EXOC3L2: variants seen among roughly 807,000 people sequenced by gnomAD.
EXOC3L2 encodes the protein exocyst complex component 3-like protein 2.
In EXOC3L2, 17 loss-of-function variants were observed where a neutral mutation model predicts 44.4. That is an observed-to-expected ratio of 0.38 (90% CI 0.26 to 0.57). The LOEUF (loss-of-function observed/expected upper bound fraction) is 0.57, where lower values mean the gene tolerates loss of function less well. Among genes scored for constraint, EXOC3L2 ranks in the 20% least tolerant of loss-of-function variants. EXOC3L2 has a pLI of 0.65. For missense variants in EXOC3L2, 541 were observed against 588.4 expected, an observed-to-expected ratio of 0.92 and a Z score of 0.83; for synonymous variants, 256 against 253.7, an observed-to-expected ratio of 1.01 and a Z score of -0.09.
At chr19:45,223,566 C>T (rs946765054) in intron 8 of EXOC3L2, among the ~76,000 whole-genome samples, 1 of 149,758 alleles carries the variant, frequency 6.7e-6, no homozygotes. Context: ...TGGTCTCAAA[C>T]TCCTGACCTC....
intron 3 of EXOC3L2, among the ~76,000 whole-genome samples, chr19:45,232,905 C>G (rs1164085033): frequency 6.6e-6 from 1 of 152,026 alleles, no homozygotes; most frequent in African/African-American, 2.4e-5. Context: ...TGGTAAAACC[C>G]CGCCTCTACT....
At chr19:45,236,653 A>C (rs1196359117) in intron 2 of EXOC3L2, among the ~76,000 whole-genome samples, 2 of 151,548 alleles carry the variant, frequency 1.3e-5, no homozygotes, top group Non-Finnish European at 2.9e-5. Flanking sequence ...TTGGAGTTGG[A>C]ATTGAAACTG....
At chr19:45,231,689 C>G (rs2122981800) in intron 4 of EXOC3L2, 74 bp downstream of exon 4, 1 of 1,298,224 alleles carries the variant, frequency 7.7e-7, no homozygotes, top group East Asian at 2.4e-5. Context: ...GTGGAGGGGA[C>G]AGGCTTCCCA....
Position 45,244,087 on chromosome 19 carries a change from C to A in EXOC3L2, c.-17+1254G>T, listed in dbSNP as rs188102538. Among the ~76,000 whole-genome samples the A allele has an allele frequency of 3.9e-5, 6 of 152,136 alleles. 1 individual carries two copies. Among genetic ancestry groups the A allele is most frequent in the Admixed American group, 2.6e-4 (4 of 15,244 alleles). On this transcript the variant is annotated intron_variant, in intron 1 of 11. Coordinates refer to ENST00000413988, the MANE Select transcript of EXOC3L2 (RefSeq NM_001382422.1). ...TACAAGTGCAAGTCACCACACCTGG[C>A]TAATTTTTGTATTTTTAGTAGAGAT...
chr19:45,227,868 T>C (rs1279861798), intron 6 of EXOC3L2, 96 bp from the exon 7 acceptor site: 4 of 1,512,366 alleles, frequency 2.6e-6, no homozygotes, highest in Non-Finnish European at 3.6e-6. Flanking sequence ...GGTGGCACTC[T>C]ACCTGTCCTC....
chr19:45,236,431 A>G (rs976557610), intron 2 of EXOC3L2, among the ~76,000 whole-genome samples: 6 of 134,270 alleles, frequency 4.5e-5, no homozygotes, highest in African/African-American at 1.7e-4. Flanking sequence ...TTGCCATTGC[A>G]CTCCAGCCTG....
chr19:45,229,403 G>A (rs140013593), intron 4 of EXOC3L2, among the ~76,000 whole-genome samples: 11,527 of 142,728 alleles, frequency 0.081, 586 homozygotes, highest in African/African-American at 0.14. Context: ...TATATAATGT[G>A]TATATTAATA....
In EXOC3L2 at chr19:45,234,857, C is replaced by A; in HGVS notation, c.524-31G>T. On this transcript the variant is annotated intron_variant, in intron 2 of 11. Coordinates refer to ENST00000413988, the MANE Select transcript of EXOC3L2 (RefSeq NM_001382422.1). This position sits in a 1 kb window ranked among gnomAD's most constrained non-coding sequence, Gnocchi z 5.0. ...GGAGCAAAGCGGGAGGTCAGCAGTG[C>A]GCGGGGGGGAGGAGGGCGATGCCGG... is the stretch of plus-strand genomic sequence containing the variant. The A allele has an allele frequency of 5.2e-6, 2 of 385,244 alleles. No homozygotes were observed. The highest frequency in any genetic ancestry group is 9.2e-6 in the Non-Finnish European group (2 of 217,510). The allele number at this position is 385,244 out of a possible 1,614,324, so 23.9% of individuals were successfully genotyped here.
chr19:45,227,709 G>A lies in EXOC3L2; in HGVS notation c.1536C>T (p.Thr512=). The part of the protein sequence containing the change: ...NPAVREMLPD[T]YISKTIALVN... ...CCAGGGCGATGGTCTTGCTGATATA[G>A]GTGTCAGGTAGCATCTCCCGGACTG... Residue 512 remains threonine, a synonymous_variant, in exon 7 of 12, where the codon ACC becomes ACT. Transcript: ENST00000413988. 6.2e-7 allele frequency: 1 copy of A among 1,613,174 alleles called. No individual in the cohort carries two copies. The highest frequency in any genetic ancestry group is 8.5e-7 in the Non-Finnish European group (1 of 1,179,860).
In EXOC3L2 at chr19:45,238,929, C is replaced by G. The variant is rs1255986324; in HGVS notation, c.117G>C (p.Glu39Asp). The change falls in exon 2 of 12, where the codon GAG becomes GAC. Residue 39 changes from glutamate (E) to aspartate (D), a missense_variant. Coordinates refer to ENST00000413988, the MANE Select transcript of EXOC3L2 (RefSeq NM_001382422.1). This position sits in a 1 kb window ranked among gnomAD's most constrained non-coding sequence, Gnocchi z 5.5. ...TGGGGAGGGACCCCAGCTCCCCGGC[C>G]TCTTCTTCCTCCAGCCCTGAAACTT... ...FEEVSGLEEE[E>D]AGELGSLPNG... 5.0e-6 allele frequency: 2 copies of G among 399,142 alleles called. No individual in the cohort carries two copies. Among genetic ancestry groups the G allele is most frequent in the African/African-American group, 4.1e-5 (2 of 48,640 alleles). 24.7% of individuals were successfully genotyped at this position (399,142 alleles called of 1,614,324 possible). A position where few individuals can be genotyped will look rare whatever the true frequency, so the allele number is the denominator to read the frequency against.
At chr19:45,228,442 C>A (rs1201163971) in intron 4 of EXOC3L2, among the ~76,000 whole-genome samples, 176 bp from the exon 5 acceptor site, 1 of 152,042 alleles carries the variant, frequency 6.6e-6, no homozygotes, top group Non-Finnish European at 1.5e-5. Context: ...ACTTCTGCAG[C>A]CCTTCCCACT....
chr19:45,242,019 G>A lies in EXOC3L2; in HGVS notation c.-16-2958C>T, dbSNP rs115596520. Among the ~76,000 whole-genome samples the A allele has an allele frequency of 3.6e-3, 541 of 152,344 alleles. 2 individuals carry two copies. The highest frequency in any genetic ancestry group is 0.012 in the African/African-American group (508 of 41,578). On this transcript the variant is annotated intron_variant, in intron 1 of 11. Transcript: ENST00000413988. ...GCAAGACAGTTCATTCCTTGTGTGG[G>A]GAGGAGGAGGGTGAGTCGAGCTGGA...
At position 45,234,388 on chromosome 19, in the gene EXOC3L2, G is replaced by A. The variant is rs1444823280; in HGVS notation, c.962C>T (p.Ala321Val). The A allele has an allele frequency of 3.0e-6, 1 of 328,712 alleles. No homozygotes were observed. Among genetic ancestry groups the A allele is most frequent in the Non-Finnish European group, 5.5e-6 (1 of 181,044 alleles). 20.4% of individuals were successfully genotyped at this position (328,712 alleles called of 1,614,324 possible). ...CACGGCCATATCCTCCAGCAGCCGC[G>A]CCCGCAGCGCCTCCAGCTGCCCGGC... is the stretch of plus-strand genomic sequence containing the variant. ...GLAGQLEALR[A>V]RLLEDMAVVR... Residue 321 changes from alanine to valine, a missense_variant, in exon 3 of 12, where the codon GCG (alanine) becomes GTG (valine). Ala to Val is a moderately conservative substitution (Grantham distance 64). Transcript: ENST00000413988. This position sits in a 1 kb window ranked among gnomAD's most constrained non-coding sequence, Gnocchi z 5.0.
intron 8 of EXOC3L2, among the ~76,000 whole-genome samples, chr19:45,222,354 C>A (rs551915510): frequency 2.0e-5 from 3 of 152,116 alleles, no homozygotes; most frequent in African/African-American, 7.2e-5. Context: ...CGCTTGCCAC[C>A]ACGCCTGGCT....
intron 11 of EXOC3L2, among the ~76,000 whole-genome samples, chr19:45,214,847 TA>T (rs1969816762): frequency 6.6e-6 from 1 of 152,036 alleles, no homozygotes; most frequent in Admixed American, 6.6e-5. Context: ...GATATTTCAA[TA>T]GCTTTAATTA....
chr19:45,234,671 C>G lies in EXOC3L2; in HGVS notation c.679G>C (p.Val227Leu). 3 of 376,936 alleles carry G rather than the reference C, an allele frequency of 8.0e-6. No individual in the cohort carries two copies. Among genetic ancestry groups the G allele is most frequent in the Non-Finnish European group, 1.4e-5 (3 of 212,248 alleles). 23.3% of individuals were successfully genotyped at this position (376,936 alleles called of 1,614,324 possible). The change falls in exon 3 of 12, where the codon GTG (valine) becomes CTG (leucine). Residue 227 changes from valine (V) to leucine (L), a missense_variant. Physicochemically the swap from Val to Leu is conservative, Grantham distance 32. Coordinates refer to ENST00000413988, the MANE Select transcript of EXOC3L2 (RefSeq NM_001382422.1). This position sits in a 1 kb window ranked among gnomAD's most constrained non-coding sequence, Gnocchi z 5.0. ...TGCAGGGCCTCGTACAGCAGCGCCACGTCCCGCGCCCGGCGGCCCCCGCCA... is the reference window on the plus strand; with the variant it reads ...TGCAGGGCCTCGTACAGCAGCGCCAGGTCCCGCGCCCGGCGGCCCCCGCCA... The part of the protein sequence containing the change: ...GAGGGRRARD[V>L]ALLYEALQRE...
At chr19:45,240,925 C>A (rs114235773) in intron 1 of EXOC3L2, among the ~76,000 whole-genome samples, 3 of 151,930 alleles carry the variant, frequency 2.0e-5, no homozygotes, top group Non-Finnish European at 4.4e-5. Context: ...TAAAACAAAA[C>A]AACTTACTAG....
intron 1 of EXOC3L2, 52 bp from the exon 2 acceptor site, chr19:45,239,113 G>T (rs1379410207): frequency 2.5e-6 from 1 of 396,304 alleles, no homozygotes; most frequent in African/African-American, 2.1e-5. Flanking sequence ...TGGTGGTATG[G>T]ATGACGGTGC....
At position 45,215,356 on chromosome 19, in the gene EXOC3L2, A is replaced by G. The variant is rs935928595; in HGVS notation, c.2120+717T>C. 4.6e-5 allele frequency among the ~76,000 whole-genome samples: 7 copies of G among 152,092 alleles called. 1 individual carries two copies. Among genetic ancestry groups the G allele is most frequent in the Admixed American group, 4.6e-4 (7 of 15,252 alleles). ...CATTGTGGTGCATGCCTGTGGTCCC[A>G]GCTACTCAGAAGGCTGAGGTGGGAG... is the stretch of plus-strand genomic sequence containing the variant. On this transcript the variant is annotated intron_variant, in intron 11 of 11. Coordinates refer to ENST00000413988, the MANE Select transcript of EXOC3L2 (RefSeq NM_001382422.1).
Sources: gnomAD v4.1 joint callset for allele counts (sites outside exome capture counted in the v4.1 genomes callset) on GRCh38, gnomAD v4.1.1 for gene constraint, Gnocchi (gnomAD v3.1) non-coding constraint, MANE v1.5 for transcripts, NCBI Gene and HGNC (gene_info 2026-07-23, HGNC 2026-07-21) for gene names.